Variants in CCNH observed in about 807,000 individuals in gnomAD.
CCNH encodes cyclin-H.
Under a neutral mutation model 41.9 loss-of-function variants are expected in CCNH, and 31 were observed. The observed-to-expected ratio is 0.74, with a 90% CI of 0.56 to 1.00. The LOEUF is 1.00. Among genes scored for constraint, CCNH ranks in the 50% least tolerant of loss-of-function variants. The pLI is 0.00. For synonymous variants in CCNH, 138 were observed against 136.1 expected (o/e 1.01, Z -0.10); for missense variants, 362 against 388.4 (o/e 0.93, Z 0.57).
At chr5:87,362,768 G>A (rs1760212241) in intron 9 of CCNH, 2 of 1,399,250 alleles carry the variant, frequency 1.4e-6, no homozygotes, top group Middle Eastern at 2.0e-4. Context: ...GTTTTGACAT[G>A]AGTTATTAGT....
chr5:87,323,396 G>A (rs938482057), intron 9 of CCNH, among the ~76,000 whole-genome samples: 6 of 152,168 alleles, frequency 3.9e-5, no homozygotes, highest in Non-Finnish European at 5.9e-5. Flanking sequence ...TGGGCATATT[G>A]TGGAGAACTT....
chr5:87,387,470 A>ATT (rs2112519094), downstream of CCNH, among the ~76,000 whole-genome samples: 2 of 152,238 alleles, frequency 1.3e-5, no homozygotes, highest in East Asian at 3.9e-4. Flanking sequence ...TTTCTTAATC[A>ATT]AGTTAAATTT....
chr5:87,409,085 T>G (rs1764018964), intron 3 of CCNH: 1 of 357,264 alleles, frequency 2.8e-6, no homozygotes, highest in Non-Finnish European at 5.0e-6. Context: ...GAAGTTCACA[T>G]ACCATCAGAA....
chr5:87,334,414 G>A (rs1561288881), intron 9 of CCNH, among the ~76,000 whole-genome samples: 2 of 152,170 alleles, frequency 1.3e-5, no homozygotes, highest in Admixed American at 6.5e-5. Flanking sequence ...ACTGTCCTCT[G>A]ATTCAAATGC....
At chr5:87,363,239 C>A in intron 9 of CCNH, 2 of 1,045,584 alleles carry the variant, frequency 1.9e-6, no homozygotes, top group Non-Finnish European at 2.8e-6. Flanking sequence ...ATTACATAAG[C>A]TTTGGAATAA....
chr5:87,366,384 A>T (rs1481673316), intron 9 of CCNH: 6 of 429,438 alleles, frequency 1.4e-5, no homozygotes, highest in Non-Finnish European at 2.8e-5. Context: ...TGGCACAATC[A>T]AAAGAAAGGT....
At chr5:87,332,666 T>A (rs747222131) in intron 9 of CCNH, 6 of 1,589,836 alleles carry the variant, frequency 3.8e-6, no homozygotes, top group Non-Finnish European at 5.2e-6. Flanking sequence ...ATAAAATATC[T>A]TTCAAAACTT....
intron 9 of CCNH, among the ~76,000 whole-genome samples, chr5:87,330,224 TA>T (rs1391682456): frequency 1.4e-4 from 22 of 152,236 alleles, no homozygotes; most frequent in Admixed American, 5.2e-4. Flanking sequence ...GTTTTATTTT[TA>T]AAAATTAAGG....
rs538149175 is a variant in CCNH at position 87,331,778 on chromosome 5, G to A, written c.*91-12881C>T. Among the ~76,000 whole-genome samples, 14 of 152,140 alleles carry A rather than the reference G, an allele frequency of 9.2e-5. No individual in the cohort carries two copies. The South Asian group carries it at 2.9e-3, about 32-fold the overall frequency. The stretch of plus-strand genomic sequence containing the variant: ...ATTACAAATAAACTTTGAGTGGTAA[G>A]GCTAAAATAAAGGAATTGTATACTT... On this transcript the variant is annotated intron_variant and NMD_transcript_variant, in intron 9 of 9. Coordinates refer to the CCNH transcript ENST00000645953.
intron 9 of CCNH, among the ~76,000 whole-genome samples, chr5:87,337,158 T>C (rs1758036903): frequency 6.6e-6 from 1 of 152,122 alleles, no homozygotes; most frequent in Non-Finnish European, 1.5e-5. Flanking sequence ...TTCAGATGCA[T>C]TCTTTTAAGC....
rs745960407 is a variant in CCNH, at chr5:87,376,519, C to G, written n.662G>C. 9.3e-6 allele frequency: 15 copies of G among 1,613,750 alleles called. No homozygotes were observed. The highest frequency in any genetic ancestry group is 8.3e-5 in the Admixed American group (5 of 59,986). On this transcript the variant is annotated non_coding_transcript_exon_variant, in exon 1 of 1. Transcript: ENST00000607486. ...TCCCTGCGTGTTCGAGCACGATACTCTATGGAAAAAATCATGCCAGAAGAA... is the reference window on the plus strand; with the variant it reads ...TCCCTGCGTGTTCGAGCACGATACTGTATGGAAAAAATCATGCCAGAAGAA...
chr5:87,372,297 G>C (rs1008722709), downstream of CCNH: 1 of 1,050,726 alleles, frequency 9.5e-7, no homozygotes, highest in Non-Finnish European at 1.4e-6. Flanking sequence ...ATCATATGGG[G>C]TTAAGCCATG....
intron 8 of CCNH, 138 bp downstream of exon 8, chr5:87,394,906 C>T (rs147705980): frequency 2.5e-5 from 38 of 1,516,440 alleles, no homozygotes; most frequent in African/African-American, 2.2e-4. Context: ...CAGTACTGTA[C>T]GTAAGGAAGT....
intron 9 of CCNH, among the ~76,000 whole-genome samples, chr5:87,357,597 C>G (rs1235187314): frequency 6.6e-6 from 1 of 152,058 alleles, no homozygotes; most frequent in Non-Finnish European, 1.5e-5. Flanking sequence ...CCCAGCTACT[C>G]TGGAGGCTGA....
intron 9 of CCNH, chr5:87,341,282 C>A: frequency 7.5e-7 from 1 of 1,332,016 alleles, no homozygotes; most frequent in African/African-American, 1.5e-5. Context: ...TTAATGTCTT[C>A]CCTTTAGGGC....
chr5:87,386,886 T>C (rs770005712), downstream of CCNH: 2 of 1,611,982 alleles, frequency 1.2e-6, no homozygotes, highest in South Asian at 2.2e-5. Context: ...TATGATCATG[T>C]TTTTAGATGA....
chr5:87,366,789 C>T (rs1056087038), intron 9 of CCNH, among the ~76,000 whole-genome samples: 3 of 152,124 alleles, frequency 2.0e-5, no homozygotes, highest in South Asian at 2.1e-4. Context: ...CCCAGCACTT[C>T]GGGAGCCCAA....
intron 9 of CCNH, chr5:87,349,353 G>A (rs1759094178): frequency 6.2e-7 from 1 of 1,611,326 alleles, no homozygotes; most frequent in South Asian, 1.1e-5. Flanking sequence ...TGGGAGGCCG[G>A]TATTATAACA....
chr5:87,370,705 A>G (rs918219258), intron 9 of CCNH, among the ~76,000 whole-genome samples: 73 of 152,290 alleles, frequency 4.8e-4, no homozygotes, highest in African/African-American at 1.7e-3. Context: ...TTTCTGGAGT[A>G]TATGGTTGTA....
Sources: allele counts gnomAD v4.1 joint callset (sites outside exome capture counted in the v4.1 genomes callset), GRCh38; gene constraint gnomAD v4.1.1; transcripts MANE v1.5; gene names NCBI Gene and HGNC (gene_info 2026-07-23, HGNC 2026-07-21).